VCAN: variants seen among roughly 807,000 people sequenced by gnomAD.
The protein encoded by VCAN is versican.
A neutral mutation model predicts 245.5 loss-of-function variants in VCAN; 44 were observed. The ratio of observed to expected loss-of-function variants is 0.18; its 90% CI spans 0.14 to 0.23. The LOEUF is 0.23. Among genes scored for constraint, VCAN ranks in the 10% least tolerant of loss-of-function variants. VCAN has a pLI of 1.00. For missense variants in VCAN, 3,793 were observed against 4,057.9 expected, an observed-to-expected ratio of 0.93 and a Z score of 1.77; for synonymous variants, 1,413 against 1,437.0, an observed-to-expected ratio of 0.98 and a Z score of 0.38.
At chr5:83,487,298 C>T (rs1744825527) in intron 2 of VCAN, among the ~76,000 whole-genome samples, 1 of 152,150 alleles carries the variant, frequency 6.6e-6, no homozygotes, top group African/African-American at 2.4e-5. Flanking sequence ...TTTACATCAT[C>T]TTTACTCTAA....
Position 83,520,659 on chromosome 5 carries a change from A to G in VCAN, c.2353A>G (p.Thr785Ala), listed in dbSNP as rs748936358. ...TACAAAATATGATGAAAATATTACA[A>G]CAGTGCTTTTGGCCCATGGTACTTT... Reference protein sequence around the residue: ...GTTKYDENITTVLLAHGTLSV... With the variant: ...GTTKYDENITAVLLAHGTLSV... The change falls in exon 7 of 15, where the codon ACA (threonine) becomes GCA (alanine). Residue 785 changes from threonine (T) to alanine (A), a missense_variant. Coordinates refer to ENST00000265077, the MANE Select transcript of VCAN (RefSeq NM_004385.5). The G allele has an allele frequency of 2.5e-6, 4 of 1,614,068 alleles. No individual in the cohort carries two copies. Among genetic ancestry groups the G allele is most frequent in the Non-Finnish European group, 3.4e-6 (4 of 1,179,994 alleles).
chr5:83,511,371 C>T lies in VCAN; in HGVS notation c.749-732C>T, dbSNP rs1266304585. On this transcript the variant is annotated intron_variant, in intron 5 of 14. Transcript: ENST00000265077. Reference sequence around the variant, plus strand: ...AGAGCAAGTAAAACAAAGGCTTTATCCAAAGAGGCTGGAGTTCCTTTGGCT... The same window carrying T: ...AGAGCAAGTAAAACAAAGGCTTTATTCAAAGAGGCTGGAGTTCCTTTGGCT... Among the ~76,000 whole-genome samples, 6 of 151,966 alleles carry T rather than the reference C, an allele frequency of 3.9e-5. No homozygotes were observed. In the East Asian group the frequency reaches 1.2e-3, roughly 30 times the overall value.
intron 9 of VCAN, 105 bp from the exon 10 acceptor site, chr5:83,547,865 TC>T: frequency 1.2e-6 from 1 of 831,046 alleles, no homozygotes; most frequent in Non-Finnish European, 2.0e-6. Flanking sequence ...AATCTGAAAT[TC>T]AAATTTAACT....
At position 83,581,928 on chromosome 5, in the gene VCAN, A is replaced by G. The variant is rs1169893147; in HGVS notation, c.*1494A>G. ...AGAGTAGACAAAAAATAAAATGCAC[A>G]TAGAAAAAGAGAAAAAGGGCACAAA... On this transcript the variant is annotated 3_prime_UTR_variant, in exon 15 of 15. Coordinates refer to ENST00000265077, the MANE Select transcript of VCAN (RefSeq NM_004385.5). The G allele has an allele frequency of 6.6e-6, 1 of 151,892 alleles. No homozygotes were observed. The highest frequency in any genetic ancestry group is 1.5e-5 in the Non-Finnish European group (1 of 68,002). The allele number at this position is 151,892 out of a possible 1,614,324, so 9.4% of individuals were successfully genotyped here.
intron 12 of VCAN, among the ~76,000 whole-genome samples, chr5:83,561,275 G>A (rs1037969154): frequency 9.2e-5 from 14 of 151,830 alleles, no homozygotes; most frequent in Admixed American, 7.9e-4. Flanking sequence ...ATCTGGTCAG[G>A]AAGTTCTAGA....
At chr5:83,550,908 A>AAAAAG (rs1747436365) in intron 10 of VCAN, among the ~76,000 whole-genome samples, 1 of 145,566 alleles carries the variant, frequency 6.9e-6, no homozygotes, top group Admixed American at 6.9e-5. Flanking sequence ...AAAAAAAAAA[A>AAAAAG]GTGAATCAAT....
At chr5:83,514,085 A>T (rs1490302566) in intron 6 of VCAN, among the ~76,000 whole-genome samples, 4 of 152,200 alleles carry the variant, frequency 2.6e-5, no homozygotes. Flanking sequence ...TAATTGAAAA[A>T]TACACATGAA....
chr5:83,539,937 G>C lies in VCAN; in HGVS notation c.6934G>C (p.Gly2312Arg). 1.2e-6 allele frequency: 2 copies of C among 1,614,088 alleles called. No homozygotes were observed. The highest frequency in any genetic ancestry group is 8.5e-7 in the Non-Finnish European group (1 of 1,179,996). Reference protein sequence around the residue: ...NRMENVAKEVGPLVSQTDIFE... With the variant: ...NRMENVAKEVRPLVSQTDIFE... ...AATGGAAAATGTGGCAAAAGAAGTT[G>C]GACCACTCGTATCTCAAACAGACAT... Residue 2312 changes from glycine to arginine, a missense_variant, in exon 8 of 15, where the codon GGA becomes CGA. Around this residue, in one of 5 missense-constraint regions of VCAN, gnomAD observed 3,182 missense variants for 3,250.3 expected, o/e 0.98. Transcript: ENST00000265077.
chr5:83,478,098 A>G (rs1234823522), intron 1 of VCAN, among the ~76,000 whole-genome samples: 3 of 151,802 alleles, frequency 2.0e-5, no homozygotes, highest in Non-Finnish European at 2.9e-5. Context: ...ACCCACCACC[A>G]TGCTTGGCTA....
intron 8 of VCAN, 30 bp from the exon 9 acceptor site, chr5:83,545,507 C>A: frequency 6.3e-7 from 1 of 1,586,756 alleles, no homozygotes; most frequent in South Asian, 1.1e-5. Flanking sequence ...ACGAGCCTAA[C>A]TGCTTTTCTT....
Position 83,580,860 on chromosome 5 carries a change from C to G in VCAN, c.*426C>G, listed in dbSNP as rs1433486438. On this transcript the variant is annotated 3_prime_UTR_variant, in exon 15 of 15. Coordinates refer to ENST00000265077, the MANE Select transcript of VCAN (RefSeq NM_004385.5). Reference sequence around the variant, plus strand: ...GGCATATTTAATGATGATTATGGAGCCTTAGAGGTCTTTAATCATTGGTTC... The same window carrying G: ...GGCATATTTAATGATGATTATGGAGGCTTAGAGGTCTTTAATCATTGGTTC... 5 of 243,420 alleles carry G rather than the reference C, an allele frequency of 2.1e-5. No individual in the cohort carries two copies. Among genetic ancestry groups the G allele is most frequent in the Non-Finnish European group, 3.2e-5 (4 of 123,186 alleles). The allele number at this position is 243,420 out of a possible 1,614,324, so 15.1% of individuals were successfully genotyped here.
At chr5:83,558,790 T>A (rs944641250) in intron 12 of VCAN, among the ~76,000 whole-genome samples, 2 of 152,152 alleles carry the variant, frequency 1.3e-5, no homozygotes, top group African/African-American at 4.8e-5. Flanking sequence ...TATAATAGGA[T>A]GTTGTTATCA....
At position 83,490,412 on chromosome 5, in the gene VCAN, C is replaced by T. The variant is rs142999995; in HGVS notation, c.385C>T (p.Arg129Cys). The change falls in exon 3 of 15, where the codon CGC becomes TGC. Residue 129 changes from arginine (R) to cysteine (C), a missense_variant. Coordinates refer to ENST00000265077, the MANE Select transcript of VCAN (RefSeq NM_004385.5). Reference sequence around the variant, plus strand: ...GCTGGCAAGTGATGCGGGTCTTTACCGCTGTGACGTCATGTACGGGATTGA... The same window carrying T: ...GCTGGCAAGTGATGCGGGTCTTTACTGCTGTGACGTCATGTACGGGATTGA... ...KLLASDAGLY[R>C]CDVMYGIEDT... The T allele has an allele frequency of 4.2e-5, 68 of 1,614,014 alleles. No homozygotes were observed. The highest frequency in any genetic ancestry group is 3.2e-4 in the South Asian group (29 of 91,084).
At position 83,519,380 on chromosome 5, in the gene VCAN, C is replaced by T. The variant is rs1745981349; in HGVS notation, c.1074C>T (p.Ile358=). Residue 358 remains isoleucine, a synonymous_variant, in exon 7 of 15, where the codon ATC becomes ATT. Coordinates refer to ENST00000265077, the MANE Select transcript of VCAN (RefSeq NM_004385.5). ...AGGCTACAACCATCGATTTGAGTAT[C>T]CTCGCAGAAACTGCATCACCCAGTT... ...PKEATTIDLS[I]LAETASPSLS... is the part of the protein sequence containing the mutation. 3.1e-6 allele frequency: 5 copies of T among 1,613,888 alleles called. No individual in the cohort carries two copies. In the African/African-American group the frequency reaches 5.3e-5, roughly 17 times the overall value.
chr5:83,542,268 G>A lies in VCAN; in HGVS notation c.9265G>A (p.Gly3089Arg). The change falls in exon 8 of 15, where the codon GGA (glycine) becomes AGA (arginine). Residue 3089 changes from glycine (G) to arginine (R), a missense_variant and splice_region_variant. Gly to Arg is a moderately radical substitution (Grantham distance 125). This residue lies in a region of VCAN where 3,182 missense variants were observed against 3,250.3 expected (regional missense o/e 0.98). Coordinates refer to ENST00000265077, the MANE Select transcript of VCAN (RefSeq NM_004385.5). Reference protein sequence around the residue: ...SVEGTAIYLPGPDRCKMNPCL... With the variant: ...SVEGTAIYLPRPDRCKMNPCL... ...GGAAGGCACGGCAATCTATTTACCAGGTAAGATCACAACATTGATAAATCT... is the reference window on the plus strand; with the variant it reads ...GGAAGGCACGGCAATCTATTTACCAAGTAAGATCACAACATTGATAAATCT... The A allele has an allele frequency of 6.2e-7, 1 of 1,611,602 alleles. No homozygotes were observed. The highest frequency in any genetic ancestry group is 8.5e-7 in the Non-Finnish European group (1 of 1,179,726).
chr5:83,481,098 A>G (rs530024242), intron 1 of VCAN, among the ~76,000 whole-genome samples: 112 of 152,216 alleles, frequency 7.4e-4, no homozygotes, highest in African/African-American at 2.6e-3. Context: ...ATTCTGGGCT[A>G]TTTGACAGTG....
chr5:83,547,065 A>G (rs1372941930), intron 9 of VCAN, among the ~76,000 whole-genome samples: 1 of 152,162 alleles, frequency 6.6e-6, no homozygotes, highest in Non-Finnish European at 1.5e-5. Flanking sequence ...CAGAGGCCAA[A>G]AACTACAGAA....
Position 83,580,617 on chromosome 5 carries a change from C to A in VCAN, c.*183C>A. ...AAAGTATTGGCATTCAAAAAGACAGCAGACAAAATGAAAGAAAATGAGAGC... is the reference window on the plus strand; with the variant it reads ...AAAGTATTGGCATTCAAAAAGACAGAAGACAAAATGAAAGAAAATGAGAGC... On this transcript the variant is annotated 3_prime_UTR_variant, in exon 15 of 15. Coordinates refer to ENST00000265077, the MANE Select transcript of VCAN (RefSeq NM_004385.5). 2 of 853,050 alleles carry A rather than the reference C, an allele frequency of 2.3e-6. No individual in the cohort carries two copies. Among genetic ancestry groups the A allele is most frequent in the Non-Finnish European group, 3.7e-6 (2 of 546,306 alleles). 52.8% of individuals were successfully genotyped at this position (853,050 alleles called of 1,614,324 possible).
rs1745050438 is a variant in VCAN at position 83,493,533 on chromosome 5, G to C, written c.446-13G>C. On this transcript the variant is annotated splice_polypyrimidine_tract_variant and intron_variant, in intron 3 of 14. Coordinates refer to ENST00000265077, the MANE Select transcript of VCAN (RefSeq NM_004385.5). The stretch of plus-strand genomic sequence containing the variant: ...TTGAACAGGCTGGCAATTGTTTGCT[G>C]TTGTTTTTGCAGGGGTTGTGTTTCA... 6.2e-7 allele frequency: 1 copy of C among 1,612,820 alleles called. No homozygotes were observed. Among genetic ancestry groups the C allele is most frequent in the South Asian group, 1.1e-5 (1 of 91,030 alleles).
Sources: allele counts gnomAD v4.1 joint callset (sites outside exome capture counted in the v4.1 genomes callset), GRCh38; gene constraint gnomAD v4.1.1; regional missense constraint gnomAD v4.1.1; transcripts MANE v1.5; gene names NCBI Gene and HGNC (gene_info 2026-07-23, HGNC 2026-07-21).